TPRG1: variants seen among roughly 807,000 people sequenced by gnomAD.
The protein encoded by TPRG1 is tumor protein p63 regulated 1, also known as tumor protein p63-regulated gene 1 protein.
In TPRG1, 29 loss-of-function variants were observed where a neutral mutation model predicts 29.3. The ratio of observed to expected loss-of-function variants is 0.99; its 90% CI spans 0.74 to 1.35. The LOEUF is 1.35. Among genes scored for constraint, TPRG1 ranks in the 40% most tolerant of loss-of-function variants. The probability of loss-of-function intolerance (pLI) is 0.00; values close to 1 mark genes in which losing one functional copy is unlikely to be tolerated. For missense variants in TPRG1, 327 were observed against 335.0 expected, an observed-to-expected ratio of 0.98 and a Z score of 0.19; for synonymous variants, 130 against 116.8, an observed-to-expected ratio of 1.11 and a Z score of -0.73.
At chr3:189,218,220 TCTC>T (rs1736375944) in intron 3 of TPRG1, among the ~76,000 whole-genome samples, 1 of 151,858 alleles carries the variant, frequency 6.6e-6, no homozygotes, top group Non-Finnish European at 1.5e-5. Context: ...TTCACACCAT[TCTC>T]CTGCCTCAGC....
At chr3:189,313,550 T>C (rs1392366971) in intron 5 of TPRG1, among the ~76,000 whole-genome samples, 1 of 152,234 alleles carries the variant, frequency 6.6e-6, no homozygotes, top group South Asian at 2.1e-4. Flanking sequence ...AGTTATGCAG[T>C]CAACACTTTT....
At chr3:189,078,781 GT>G (rs1205651506) in intron 4 of TPRG1, among the ~76,000 whole-genome samples, 1 of 152,164 alleles carries the variant, frequency 6.6e-6, no homozygotes, top group Non-Finnish European at 1.5e-5. Context: ...CCTTAAACAA[GT>G]TTTCAGTGTT....
intron 4 of TPRG1, among the ~76,000 whole-genome samples, chr3:189,256,281 A>G (rs1396595970): frequency 1.3e-5 from 2 of 152,186 alleles, no homozygotes; most frequent in African/African-American, 2.4e-5. Flanking sequence ...CCCAGTAGTC[A>G]TTCAGGAGCA....
At chr3:189,251,787 A>C (rs1356215977) in intron 4 of TPRG1, among the ~76,000 whole-genome samples, 2 of 152,226 alleles carry the variant, frequency 1.3e-5, no homozygotes, top group Non-Finnish European at 2.9e-5. Context: ...CAGTAGATGG[A>C]ACATACAATC....
chr3:189,027,999 T>C (rs952015974), intron 4 of TPRG1, among the ~76,000 whole-genome samples: 4 of 152,326 alleles, frequency 2.6e-5, no homozygotes, highest in Non-Finnish European at 4.4e-5. Context: ...CAGTGTGCCA[T>C]GTCCTAGGAT....
At chr3:189,001,597 T>A (rs1712023572) in intron 2 of TPRG1, among the ~76,000 whole-genome samples, 1 of 152,150 alleles carries the variant, frequency 6.6e-6, no homozygotes, top group South Asian at 2.1e-4. Context: ...AAGTCCTACC[T>A]CTTAATATCA....
chr3:189,296,963 G>A (rs1217670091), intron 4 of TPRG1, among the ~76,000 whole-genome samples: 1 of 150,228 alleles, frequency 6.7e-6, no homozygotes. Context: ...ACAATTCACT[G>A]ATAAACCCTC....
At chr3:189,231,022 C>T (rs1002016981) in intron 3 of TPRG1, among the ~76,000 whole-genome samples, 2 of 152,042 alleles carry the variant, frequency 1.3e-5, no homozygotes, top group Non-Finnish European at 2.9e-5. Flanking sequence ...AACTGATACT[C>T]TCATGAGTTT....
At chr3:189,316,811 T>C (rs75260163) in intron 5 of TPRG1, among the ~76,000 whole-genome samples, 7,356 of 152,222 alleles carry the variant, frequency 0.048, 265 homozygotes, top group Middle Eastern at 0.092. Context: ...TAGGGAAAAG[T>C]ATGTGGCTGG....
chr3:189,279,966 G>A (rs1716822427), intron 4 of TPRG1, among the ~76,000 whole-genome samples: 1 of 152,116 alleles, frequency 6.6e-6, no homozygotes, highest in Admixed American at 6.5e-5. Flanking sequence ...TAGAATATTT[G>A]GTAGATCACG....
intron 4 of TPRG1, among the ~76,000 whole-genome samples, chr3:189,088,990 A>ATCTC (rs1165786651): frequency 1.3e-5 from 2 of 151,932 alleles, no homozygotes; most frequent in Non-Finnish European, 2.9e-5. Context: ...CTATCTATCT[A>ATCTC]TCTATCTATC....
intron 4 of TPRG1, among the ~76,000 whole-genome samples, chr3:189,033,720 C>G (rs1009501730): frequency 6.6e-6 from 1 of 151,952 alleles, no homozygotes; most frequent in Non-Finnish European, 1.5e-5. Context: ...GCTGGGACTA[C>G]AGGTACCAGC....
At chr3:189,232,345 G>C (rs1738798314) in intron 3 of TPRG1, among the ~76,000 whole-genome samples, 1 of 152,176 alleles carries the variant, frequency 6.6e-6, no homozygotes, top group Non-Finnish European at 1.5e-5. Context: ...TGCAACTTGT[G>C]CTTTTCCAAC....
rs199941065 is a variant in TPRG1, at chr3:189,076,942, A to ATATATATATATG, written c.-462-50115_-462-50114insTATATATATATG. On this transcript the variant is annotated intron_variant, in intron 4 of 10. Transcript: ENST00000433971. ...TGTGTACATATATATATATATATAT[A>ATATATATATATG]GCCAATAAGCACATGAGAAAGTGCT... is the stretch of plus-strand genomic sequence containing the variant. Among the ~76,000 whole-genome samples, 164 of 151,294 alleles carry ATATATATATATG rather than the reference A, an allele frequency of 1.1e-3. 1 individual carries two copies. The highest frequency in any genetic ancestry group is 3.7e-3 in the African/African-American group (151 of 40,756).
intron 1 of TPRG1, among the ~76,000 whole-genome samples, chr3:189,178,220 A>C (rs924999877): frequency 9.2e-5 from 14 of 152,188 alleles, no homozygotes; most frequent in African/African-American, 3.4e-4. Flanking sequence ...GAGGTGGAGG[A>C]AAGATAACAG....
rs118189686 is a variant in TPRG1, at chr3:189,305,806, C to T, written c.480-4580C>T. ...AGTTTAGGATCCTAAACATCCATGA[C>T]TATTACAAACCTTCTTCCACCAAGT... is the stretch of plus-strand genomic sequence containing the variant. On this transcript the variant is annotated intron_variant, in intron 4 of 5. Transcript: ENST00000345063. 3.8e-3 allele frequency among the ~76,000 whole-genome samples: 583 copies of T among 152,306 alleles called. 9 individuals carry two copies. Among genetic ancestry groups the T allele is most frequent in the East Asian group, 0.03 (156 of 5,186 alleles).
At chr3:189,295,882 A>G (rs1252633811) in intron 4 of TPRG1, among the ~76,000 whole-genome samples, 1 of 147,738 alleles carries the variant, frequency 6.8e-6, no homozygotes, top group Admixed American at 7.0e-5. Flanking sequence ...GGGAAAGATG[A>G]TTTACTTAGT....
intron 4 of TPRG1, among the ~76,000 whole-genome samples, chr3:189,293,372 A>G (rs1006193654): frequency 6.6e-6 from 1 of 152,116 alleles, no homozygotes; most frequent in Non-Finnish European, 1.5e-5. Context: ...TTCCTCCTGC[A>G]CTGAAAACTG....
At chr3:189,167,779 T>G (rs1728335737), upstream of TPRG1, among the ~76,000 whole-genome samples, 1 of 151,994 alleles carries the variant, frequency 6.6e-6, no homozygotes, top group African/African-American at 2.4e-5. Flanking sequence ...CTGTAATGAG[T>G]GTGAAAAATG....
Sources: allele counts gnomAD v4.1 joint callset (sites outside exome capture counted in the v4.1 genomes callset), GRCh38; gene constraint gnomAD v4.1.1; transcripts MANE v1.5; gene names NCBI Gene and HGNC (gene_info 2026-07-23, HGNC 2026-07-21).